PNOC: variants seen among roughly 807,000 people sequenced by gnomAD.
PNOC encodes the protein prepronociceptin, also known as nociceptin.
Under a neutral mutation model 15.6 loss-of-function variants are expected in PNOC, and 10 were observed. That is an observed-to-expected ratio of 0.64 (90% confidence interval 0.40 to 1.09). The LOEUF is 1.09. Ranked by LOEUF, PNOC falls within the 50% of genes least tolerant of loss-of-function variation. The pLI is 0.01. For missense variants in PNOC, 220 were observed against 223.9 expected (o/e 0.98, Z 0.11); for synonymous variants, 98 against 88.5 (o/e 1.11, Z -0.60).
At chr8:28,330,409 T>TTTTG (rs1801310983) in intron 2 of PNOC, among the ~76,000 whole-genome samples, 1 of 141,432 alleles carries the variant, frequency 7.1e-6, no homozygotes, top group African/African-American at 2.6e-5. Flanking sequence ...TTTTTTTTTT[T>TTTTG]TTTGAGACGG....
intron 1 of PNOC, among the ~76,000 whole-genome samples, chr8:28,320,092 CTTTTTT>C (rs34876964): frequency 0.11 from 3,125 of 29,496 alleles, 20 homozygotes; most frequent in South Asian, 0.19. Context: ...TTCTTTCTTT[CTTTTTT>C]TTTTTTTTTT....
intron 1 of PNOC, among the ~76,000 whole-genome samples, chr8:28,324,343 G>T (rs1801191025): frequency 1.3e-5 from 2 of 152,166 alleles, no homozygotes; most frequent in African/African-American, 4.8e-5. Context: ...AAAAACCTCA[G>T]CCAGAGAGCA....
In PNOC at chr8:28,320,946, C is replaced by T. The variant is rs145870255; in HGVS notation, c.-24+3630C>T. On this transcript the variant is annotated intron_variant, in intron 1 of 3. Transcript: ENST00000301908. ...TTTCCAATATTTTAGAAAAGAACAC[C>T]GAATGATTTTATTACATAAAAGTAA... Among the ~76,000 whole-genome samples, 511 of 151,846 alleles carry T rather than the reference C, an allele frequency of 3.4e-3. 2 individuals are homozygous for T. The highest frequency in any genetic ancestry group is 0.011 in the African/African-American group (454 of 41,412).
intron 2 of PNOC, among the ~76,000 whole-genome samples, chr8:28,329,864 T>C (rs1563328450): frequency 6.6e-6 from 1 of 152,162 alleles, no homozygotes; most frequent in African/African-American, 2.4e-5. Context: ...ATTTACATTA[T>C]ATTAAGTATT....
At position 28,339,262 on chromosome 8, in the gene PNOC, G is replaced by A. The variant is rs1351151312; in HGVS notation, c.349G>A (p.Glu117Lys). 2.5e-6 allele frequency: 4 copies of A among 1,607,702 alleles called. No individual in the cohort carries two copies. The highest frequency in any genetic ancestry group is 4.5e-5 in the East Asian group (2 of 44,694). The change falls in exon 3 of 4, where the codon GAG becomes AAG. Residue 117 changes from glutamate (E) to lysine (K), a missense_variant. Coordinates refer to ENST00000301908, the MANE Select transcript of PNOC (RefSeq NM_006228.5). ...GGAAGAGCCCGAGCCTGGCATGGAG[G>A]AGGCTGGTGAGATGGAGCAGAAGCA... ...EQEEPEPGME[E>K]AGEMEQKQLQ...
intron 2 of PNOC, among the ~76,000 whole-genome samples, chr8:28,337,883 A>G (rs1199751875): frequency 6.6e-6 from 1 of 151,406 alleles, no homozygotes; most frequent in African/African-American, 2.4e-5. Context: ...GCGCCACCGC[A>G]CCCGGCCTAC....
At chr8:28,330,681 C>T (rs1418144871) in intron 2 of PNOC, among the ~76,000 whole-genome samples, 3 of 150,588 alleles carry the variant, frequency 2.0e-5, no homozygotes, top group East Asian at 3.9e-4. Context: ...GATTTACAGG[C>T]GTGAGCCACC....
intron 1 of PNOC, among the ~76,000 whole-genome samples, chr8:28,323,066 T>A (rs572758131): frequency 6.6e-6 from 1 of 152,348 alleles, no homozygotes. Flanking sequence ...GGACTTCGAA[T>A]AGGTCATAAG....
intron 1 of PNOC, among the ~76,000 whole-genome samples, chr8:28,318,753 T>C (rs913913962): frequency 6.6e-6 from 1 of 152,238 alleles, no homozygotes; most frequent in Non-Finnish European, 1.5e-5. Context: ...TGGTGCTGCC[T>C]GGCGAGGGCG....
At chr8:28,335,042 G>A (rs1199800452) in intron 2 of PNOC, among the ~76,000 whole-genome samples, 1 of 152,186 alleles carries the variant, frequency 6.6e-6, no homozygotes, top group Admixed American at 6.5e-5. Flanking sequence ...GCATCACTAG[G>A]GGCCAGTGTC....
chr8:28,328,031 A>T (rs1801253403), intron 1 of PNOC, among the ~76,000 whole-genome samples: 1 of 143,440 alleles, frequency 7.0e-6, no homozygotes, highest in African/African-American at 2.6e-5. Context: ...TGATCTCATC[A>T]TCTCCCAAAG....
intron 3 of PNOC, among the ~76,000 whole-genome samples, chr8:28,342,701 T>C (rs1801543851): frequency 6.6e-6 from 1 of 152,172 alleles, no homozygotes; most frequent in Non-Finnish European, 1.5e-5. Context: ...CTTGCCACTG[T>C]GCCTATCGAG....
chr8:28,331,923 T>C (rs755494291), intron 2 of PNOC, among the ~76,000 whole-genome samples: 5 of 152,176 alleles, frequency 3.3e-5, no homozygotes, highest in African/African-American at 4.8e-5. Context: ...CCCGTGGAAA[T>C]TGGAAGATTC....
chr8:28,319,563 A>G (rs1170288792), intron 1 of PNOC, among the ~76,000 whole-genome samples: 1 of 152,202 alleles, frequency 6.6e-6, no homozygotes, highest in Admixed American at 6.5e-5. Flanking sequence ...ACTCTGTGCC[A>G]GGCAGTGAGC....
chr8:28,333,061 T>G (rs1285597158), intron 2 of PNOC, among the ~76,000 whole-genome samples: 1 of 152,212 alleles, frequency 6.6e-6, no homozygotes, highest in Non-Finnish European at 1.5e-5. Context: ...CAGTAGGAGT[T>G]CCTTATATGT....
chr8:28,320,493 A>C (rs555727049), intron 1 of PNOC, among the ~76,000 whole-genome samples: 48 of 152,208 alleles, frequency 3.2e-4, no homozygotes, highest in African/African-American at 1.2e-3. Flanking sequence ...TGGATTTTAT[A>C]ATGTATGTAA....
Position 28,321,205 on chromosome 8 carries a change from AAT to A in PNOC, c.-24+3890_-24+3891del, listed in dbSNP as rs1491262459. On this transcript the variant is annotated intron_variant, in intron 1 of 3. Coordinates refer to ENST00000301908, the MANE Select transcript of PNOC (RefSeq NM_006228.5). ...AGATGTGCACCACCACACCTAGCTA[AAT>A]TTTTTTTTTTTTTTTTTTTTGTAGA... 2.3e-4 allele frequency among the ~76,000 whole-genome samples: 24 copies of A among 102,454 alleles called. No individual in the cohort carries two copies. The South Asian group carries it at 6.7e-3, about 29-fold the overall frequency. 67.2% of individuals were successfully genotyped at this position (102,454 alleles called of 152,430 possible).
At chr8:28,334,560 T>C (rs1201027293) in intron 2 of PNOC, among the ~76,000 whole-genome samples, 2 of 152,122 alleles carry the variant, frequency 1.3e-5, no homozygotes, top group African/African-American at 4.8e-5. Context: ...AGTACAGCAA[T>C]CTCAGCTCAC....
At chr8:28,321,585 A>G (rs935455615) in intron 1 of PNOC, among the ~76,000 whole-genome samples, 3 of 152,084 alleles carry the variant, frequency 2.0e-5, no homozygotes, top group African/African-American at 7.2e-5. Context: ...GAAAGGACAA[A>G]TATCTGGCCA....
Sources: gnomAD v4.1 joint callset for allele counts (sites outside exome capture counted in the v4.1 genomes callset) on GRCh38, gnomAD v4.1.1 for gene constraint, MANE v1.5 for transcripts, NCBI Gene and HGNC (gene_info 2026-07-23, HGNC 2026-07-21) for gene names.